The following ZDHHC3 variants were observed in gnomAD, a reference collection of about 807,000 sequenced individuals.
ZDHHC3 encodes the protein zDHHC palmitoyltransferase 3.
In ZDHHC3, 9 loss-of-function variants were observed where a neutral mutation model predicts 30.6. The ratio of observed to expected loss-of-function variants is 0.29; its 90% CI spans 0.18 to 0.51. The LOEUF (loss-of-function observed/expected upper bound fraction) is 0.51. Ranked by LOEUF, ZDHHC3 falls within the 20% of genes least tolerant of loss-of-function variation. The pLI, the probability that ZDHHC3 is intolerant of heterozygous loss-of-function variation, is 0.97. For synonymous variants in ZDHHC3, 136 were observed against 140.2 expected (o/e 0.97, Z 0.21); for missense variants, 246 against 384.2 (o/e 0.64, Z 3.01).
chr3:44,967,047 A>C (rs1705014397), intron 1 of ZDHHC3, among the ~76,000 whole-genome samples: 1 of 152,160 alleles, frequency 6.6e-6, no homozygotes, highest in Non-Finnish European at 1.5e-5. Flanking sequence ...TCTCCCTCTG[A>C]CTGCCTTTTG....
intron 5 of ZDHHC3, among the ~76,000 whole-genome samples, chr3:44,932,461 T>A (rs1358885371): frequency 1.3e-5 from 2 of 152,240 alleles, no homozygotes; most frequent in African/African-American, 4.8e-5. Context: ...ATTGTGAGTA[T>A]GAAAGAGCCA....
chr3:44,963,167 T>C (rs1013371470), intron 1 of ZDHHC3, among the ~76,000 whole-genome samples: 1 of 152,212 alleles, frequency 6.6e-6, no homozygotes, highest in Non-Finnish European at 1.5e-5. Flanking sequence ...GACTGACTCT[T>C]ACTCAAGTAA....
intron 3 of ZDHHC3, among the ~76,000 whole-genome samples, chr3:44,941,395 T>G (rs879307346): frequency 6.6e-6 from 1 of 152,088 alleles, no homozygotes; most frequent in Non-Finnish European, 1.5e-5. Flanking sequence ...GAAACTTAGG[T>G]TCTCCAATCA....
intron 6 of ZDHHC3, among the ~76,000 whole-genome samples, chr3:44,928,219 T>C (rs777794154): frequency 1.3e-5 from 2 of 152,180 alleles, no homozygotes; most frequent in Admixed American, 6.5e-5. Context: ...TCATTTCTTA[T>C]AAAAGAAAAA....
intron 3 of ZDHHC3, among the ~76,000 whole-genome samples, chr3:44,943,929 A>G (rs1183157260): frequency 6.6e-6 from 1 of 152,140 alleles, no homozygotes; most frequent in African/African-American, 2.4e-5. Context: ...CTGAAGCCGC[A>G]GTGAGCTATG....
chr3:44,927,510 A>G (rs143693217), intron 6 of ZDHHC3, among the ~76,000 whole-genome samples: 2 of 152,318 alleles, frequency 1.3e-5, no homozygotes, highest in Non-Finnish European at 2.9e-5. Flanking sequence ...CAGAGGAGGA[A>G]GGAGGAGGGA....
rs1247208413 is a variant in ZDHHC3, at chr3:44,923,701, G to A, written c.*2988C>T. Reference sequence around the variant, plus strand: ...GCCTGTAGCCCTGGATATTCAGGAGGCCAAGGCACAAGAATCACTTGAGCC... The same window carrying A: ...GCCTGTAGCCCTGGATATTCAGGAGACCAAGGCACAAGAATCACTTGAGCC... On this transcript the variant is annotated 3_prime_UTR_variant, in exon 7 of 7. Transcript: ENST00000424952. 1 of 811,980 alleles carries A rather than the reference G, an allele frequency of 1.2e-6. No individual in the cohort carries two copies. Among genetic ancestry groups the A allele is most frequent in the Non-Finnish European group, 1.5e-6 (1 of 672,070 alleles). 50.3% of individuals were successfully genotyped at this position (811,980 alleles called of 1,614,324 possible).
rs1211391341 is a variant in ZDHHC3 at position 44,924,687 on chromosome 3, C to G, written c.*2002G>C. The G allele has an allele frequency of 3.0e-6, 3 of 985,436 alleles. No homozygotes were observed. Among genetic ancestry groups the G allele is most frequent in the Non-Finnish European group, 3.6e-6 (3 of 829,936 alleles). The allele number at this position is 985,436 out of a possible 1,614,324, so 61.0% of individuals were successfully genotyped here. On this transcript the variant is annotated 3_prime_UTR_variant, in exon 7 of 7. Coordinates refer to ENST00000424952, the MANE Select transcript of ZDHHC3 (RefSeq NM_001135179.2). ...GATGGAGTATTACCAATCTCTTCCCCCTAGGGGAGGGCCAGAGCTGTAGCC... is the reference window on the plus strand; with the variant it reads ...GATGGAGTATTACCAATCTCTTCCCGCTAGGGGAGGGCCAGAGCTGTAGCC...
intron 1 of ZDHHC3, among the ~76,000 whole-genome samples, chr3:44,967,326 T>A (rs899888615): frequency 3.9e-5 from 6 of 152,188 alleles, no homozygotes; most frequent in African/African-American, 1.4e-4. Context: ...CTCTACTTAC[T>A]ATAACTATTT....
In ZDHHC3 at chr3:44,959,054, G is replaced by C. The variant is rs745888997; in HGVS notation, c.306+77C>G. The C allele has an allele frequency of 6.5e-7, 1 of 1,545,210 alleles. No individual in the cohort carries two copies. Among genetic ancestry groups the C allele is most frequent in the Non-Finnish European group, 8.8e-7 (1 of 1,131,356 alleles). On this transcript the variant is annotated intron_variant, in intron 2 of 6. Coordinates refer to ENST00000424952, the MANE Select transcript of ZDHHC3 (RefSeq NM_001135179.2). The surrounding 1 kb of genome is among the most constrained non-coding windows in gnomAD (Gnocchi z 4.3). ...CCTCCAAGTTCCCAAGGTCCAGGGG[G>C]AACATGCAGGCTGTGGCCATGCCAG...
intron 5 of ZDHHC3, among the ~76,000 whole-genome samples, chr3:44,931,401 T>TACCAATGGAGTTTGGGGAGGTAGGAATC (rs1398594062): frequency 1.3e-5 from 2 of 152,142 alleles, no homozygotes; most frequent in East Asian, 3.9e-4. Context: ...CCCCAGGAAT[T>TACCAATGGAGTTTGGGGAGGTAGGAATC]ACCAATGGAG....
At position 44,922,054 on chromosome 3, in the gene ZDHHC3, G is replaced by T. The variant is rs1700631427; in HGVS notation, c.*4635C>A. The T allele has an allele frequency of 1.0e-6, 1 of 985,326 alleles. No individual in the cohort carries two copies. Among genetic ancestry groups the T allele is most frequent in the African/African-American group, 1.7e-5 (1 of 57,244 alleles). The allele number at this position is 985,326 out of a possible 1,614,324, so 61.0% of individuals were successfully genotyped here. On this transcript the variant is annotated 3_prime_UTR_variant, in exon 7 of 7. Coordinates refer to ENST00000424952, the MANE Select transcript of ZDHHC3 (RefSeq NM_001135179.2). Reference sequence around the variant, plus strand: ...ATCACACTGCTCAAGTCAGCAAGATGTTTACTTGAGGGAGAGGGTGAGAAA... The same window carrying T: ...ATCACACTGCTCAAGTCAGCAAGATTTTTACTTGAGGGAGAGGGTGAGAAA...
intron 3 of ZDHHC3, among the ~76,000 whole-genome samples, chr3:44,944,382 G>A (rs1272847263): frequency 1.3e-5 from 2 of 152,092 alleles, no homozygotes; most frequent in Non-Finnish European, 2.9e-5. Context: ...CTGACCTCAG[G>A]TGATCCGCCC....
chr3:44,974,339 T>C lies in ZDHHC3; in HGVS notation c.-25+1594A>G, dbSNP rs143816263. 3.4e-3 allele frequency among the ~76,000 whole-genome samples: 520 copies of C among 152,374 alleles called. 4 individuals carry two copies. The highest frequency in any genetic ancestry group is 0.012 in the African/African-American group (508 of 41,590). The stretch of plus-strand genomic sequence containing the variant: ...TATATAAAGATAACTCCATGGTATC[T>C]GAACTCAGGCTTTTCTTCCTGTGTC... On this transcript the variant is annotated intron_variant, in intron 1 of 6. Transcript: ENST00000424952.
At position 44,933,802 on chromosome 3, in the gene ZDHHC3, A is replaced by C. The variant is rs572561302; in HGVS notation, c.528+86T>G. The C allele has an allele frequency of 2.4e-6, 3 of 1,242,076 alleles. No homozygotes were observed. The East Asian group carries it at 6.9e-5, about 29-fold the overall frequency. 76.9% of individuals were successfully genotyped at this position (1,242,076 alleles called of 1,614,324 possible). Reference sequence around the variant, plus strand: ...GGGCCAGGCAGTATTCTGAGCAAAGAACATCGTGAATGCTGAGAATTTTCA... The same window carrying C: ...GGGCCAGGCAGTATTCTGAGCAAAGCACATCGTGAATGCTGAGAATTTTCA... On this transcript the variant is annotated intron_variant, in intron 4 of 6. Coordinates refer to ENST00000424952, the MANE Select transcript of ZDHHC3 (RefSeq NM_001135179.2).
At chr3:44,974,302 T>C (rs190665141) in intron 1 of ZDHHC3, among the ~76,000 whole-genome samples, 8 of 152,354 alleles carry the variant, frequency 5.3e-5, no homozygotes, top group East Asian at 3.9e-4. Context: ...TTTTAAGACA[T>C]TGGAAAATCT....
chr3:44,941,865 G>A (rs1483458803), intron 3 of ZDHHC3, among the ~76,000 whole-genome samples: 1 of 152,112 alleles, frequency 6.6e-6, no homozygotes, highest in Admixed American at 6.5e-5. Context: ...GTGGCACACA[G>A]GCCATGGGTT....
chr3:44,932,205 G>T (rs903432213), intron 5 of ZDHHC3, among the ~76,000 whole-genome samples: 1 of 151,950 alleles, frequency 6.6e-6, no homozygotes, highest in Non-Finnish European at 1.5e-5. Flanking sequence ...GGAACTTGCT[G>T]GCGACTCACC....
intron 2 of ZDHHC3, among the ~76,000 whole-genome samples, chr3:44,949,828 T>G (rs1387551833): frequency 6.6e-6 from 1 of 152,082 alleles, no homozygotes; most frequent in Non-Finnish European, 1.5e-5. Flanking sequence ...AGGGCCTTAT[T>G]TTTCATTATT....
Sources: gnomAD v4.1 joint callset for allele counts (sites outside exome capture counted in the v4.1 genomes callset) on GRCh38, gnomAD v4.1.1 for gene constraint, Gnocchi (gnomAD v3.1) non-coding constraint, MANE v1.5 for transcripts, NCBI Gene and HGNC (gene_info 2026-07-23, HGNC 2026-07-21) for gene names.